Variants in MEI4 observed in about 807,000 individuals in gnomAD.
The protein encoded by MEI4 is meiotic double-stranded break formation protein 4.
A neutral mutation model predicts 31.4 loss-of-function variants in MEI4; 27 were observed. The observed-to-expected ratio is 0.86, with a 90% confidence interval of 0.63 to 1.19. The LOEUF (loss-of-function observed/expected upper bound fraction) is 1.19, where lower values mean the gene tolerates loss of function less well. Ranked by LOEUF, MEI4 falls within the 50% of genes most tolerant of loss-of-function variation. MEI4 has a pLI of 0.00. For missense variants in MEI4, 329 were observed against 398.9 expected, an observed-to-expected ratio of 0.82 and a Z score of 1.49; for synonymous variants, 122 against 145.4, an observed-to-expected ratio of 0.84 and a Z score of 1.16.
intron 3 of MEI4, among the ~76,000 whole-genome samples, chr6:77,789,515 G>A (rs965709759): frequency 2.6e-5 from 4 of 152,084 alleles, no homozygotes; most frequent in East Asian, 1.9e-4. Context: ...ATCTGACAAA[G>A]GGCTAATATC....
intron 4 of MEI4, among the ~76,000 whole-genome samples, chr6:77,831,709 T>C (rs563548218): frequency 6.6e-6 from 1 of 151,720 alleles, no homozygotes; most frequent in Non-Finnish European, 1.5e-5. Flanking sequence ...GCTAAAGACA[T>C]GGATCATATT....
chr6:77,746,599 T>G (rs1767612122), intron 2 of MEI4, among the ~76,000 whole-genome samples: 1 of 151,902 alleles, frequency 6.6e-6, no homozygotes, highest in Admixed American at 6.6e-5. Context: ...CCATGCTTGC[T>G]TCAGCCAATT....
chr6:77,911,747 T>A lies in MEI4; in HGVS notation c.901-11342T>A, dbSNP rs1228270596. On this transcript the variant is annotated intron_variant, in intron 4 of 4. Transcript: ENST00000684080. ...TTTATATATATAATATATATATATA[T>A]AAATACATCTTCTTTATCCAGTCCA... Among the ~76,000 whole-genome samples the A allele has an allele frequency of 6.7e-5, 10 of 148,500 alleles. No individual in the cohort carries two copies. In the East Asian group the frequency reaches 1.2e-3, roughly 17 times the overall value.
At chr6:77,834,086 C>A (rs1203815047) in intron 4 of MEI4, among the ~76,000 whole-genome samples, 1 of 152,080 alleles carries the variant, frequency 6.6e-6, no homozygotes, top group African/African-American at 2.4e-5. Context: ...ACCTGGACCC[C>A]ATTAAAACAA....
At chr6:77,877,426 C>A (rs1351467537) in intron 4 of MEI4, among the ~76,000 whole-genome samples, 2 of 152,036 alleles carry the variant, frequency 1.3e-5, no homozygotes, top group Non-Finnish European at 2.9e-5. Flanking sequence ...AGTTGAAATG[C>A]CAGTTTTCAG....
rs150553397 is a variant in MEI4 at position 77,714,902 on chromosome 6, G to A, written c.232+23999G>A. ...ACTAATTTGTCTGTGACCCTCTAGC[G>A]TATCACCTGGACCTGTGTTTGACAG... On this transcript the variant is annotated intron_variant, in intron 2 of 4. Coordinates refer to ENST00000684080, the MANE Select transcript of MEI4 (RefSeq NM_001322247.2). Among the ~76,000 whole-genome samples, 109 of 152,206 alleles carry A rather than the reference G, an allele frequency of 7.2e-4. 2 individuals are homozygous for A. The highest frequency in any genetic ancestry group is 1.9e-3 in the African/African-American group (78 of 41,524).
intron 3 of MEI4, among the ~76,000 whole-genome samples, chr6:77,770,254 C>A (rs910621848): frequency 1.3e-5 from 2 of 151,940 alleles, no homozygotes; most frequent in Non-Finnish European, 2.9e-5. Flanking sequence ...CATATACAAC[C>A]TACCAAGATT....
intron 1 of MEI4, among the ~76,000 whole-genome samples, chr6:77,668,873 T>C (rs550186632): frequency 9.2e-4 from 140 of 152,328 alleles, no homozygotes; most frequent in Non-Finnish European, 1.8e-3. Context: ...AGTGATATTT[T>C]CTGTGTTTTT....
intron 2 of MEI4, among the ~76,000 whole-genome samples, chr6:77,703,016 T>A (rs1049297197): frequency 6.6e-6 from 1 of 152,206 alleles, no homozygotes; most frequent in Non-Finnish European, 1.5e-5. Flanking sequence ...TATTCTGTAC[T>A]TTTTTATATG....
chr6:77,731,746 G>GT (rs1299145385), intron 2 of MEI4, among the ~76,000 whole-genome samples: 1 of 151,544 alleles, frequency 6.6e-6, no homozygotes, highest in Admixed American at 6.6e-5. Flanking sequence ...TTCTTCTAGG[G>GT]TTTTTATGGT....
At chr6:77,658,229 C>T (rs1161434902) in intron 1 of MEI4, among the ~76,000 whole-genome samples, 1 of 151,626 alleles carries the variant, frequency 6.6e-6, no homozygotes, top group Non-Finnish European at 1.5e-5. Flanking sequence ...AGTACATTCT[C>T]AAGGGTGGGG....
chr6:77,882,736 A>T (rs1289536743), intron 4 of MEI4, among the ~76,000 whole-genome samples: 3 of 152,142 alleles, frequency 2.0e-5, no homozygotes, highest in African/African-American at 4.8e-5. Context: ...AAATTACCAG[A>T]TGCTTGACAT....
chr6:77,736,049 G>T (rs1311594758), intron 2 of MEI4, among the ~76,000 whole-genome samples: 2 of 151,674 alleles, frequency 1.3e-5, no homozygotes, highest in Non-Finnish European at 2.9e-5. Context: ...TGTCAGACAG[G>T]GACTTTTAAG....
At chr6:77,762,231 A>G (rs1289253043) in intron 3 of MEI4, among the ~76,000 whole-genome samples, 1 of 152,210 alleles carries the variant, frequency 6.6e-6, no homozygotes, top group Non-Finnish European at 1.5e-5. Context: ...TTGGCTAAGG[A>G]GCACATAATA....
intron 3 of MEI4, among the ~76,000 whole-genome samples, chr6:77,797,022 C>CA (rs1174963327): frequency 1.3e-5 from 2 of 151,966 alleles, no homozygotes; most frequent in Admixed American, 6.6e-5. Flanking sequence ...ATAGATACCT[C>CA]AAAAATAAAC....
intron 4 of MEI4, among the ~76,000 whole-genome samples, chr6:77,836,147 T>A (rs1770214601): frequency 2.0e-5 from 3 of 152,090 alleles, no homozygotes; most frequent in Non-Finnish European, 4.4e-5. Context: ...AAAGAAAACA[T>A]CTCTTTAGGT....
chr6:77,799,255 A>G (rs201595436), intron 3 of MEI4, among the ~76,000 whole-genome samples: 8 of 151,928 alleles, frequency 5.3e-5, no homozygotes, highest in Non-Finnish European at 8.8e-5. Context: ...GATGGTGAGC[A>G]TTTTTTCCTG....
chr6:77,777,031 T>C (rs1768465243), intron 3 of MEI4, among the ~76,000 whole-genome samples: 1 of 152,156 alleles, frequency 6.6e-6, no homozygotes, highest in South Asian at 2.1e-4. Flanking sequence ...GCACCTAAAA[T>C]ATATACTGGG....
chr6:77,781,381 T>G (rs1268239898), intron 3 of MEI4, among the ~76,000 whole-genome samples: 1 of 152,158 alleles, frequency 6.6e-6, no homozygotes, highest in East Asian at 1.9e-4. Flanking sequence ...AAATTGTGCA[T>G]TATTTTCCTC....
Sources: gnomAD v4.1 joint callset for allele counts (sites outside exome capture counted in the v4.1 genomes callset) on GRCh38, gnomAD v4.1.1 for gene constraint, MANE v1.5 for transcripts, NCBI Gene and HGNC (gene_info 2026-07-23, HGNC 2026-07-21) for gene names.